The following MAPRE2 variants were observed in gnomAD, a reference collection of about 807,000 sequenced individuals.
MAPRE2 encodes microtubule associated protein RP/EB family member 2, also known as microtubule-associated protein RP/EB family member 2.
A neutral mutation model predicts 43.2 loss-of-function variants in MAPRE2; 13 were observed. The ratio of observed to expected loss-of-function variants is 0.30; its 90% CI spans 0.20 to 0.48. The LOEUF (loss-of-function observed/expected upper bound fraction) is 0.48, where lower values mean the gene tolerates loss of function less well. MAPRE2 is among the 20% of genes least tolerant of loss of function. The probability of loss-of-function intolerance (pLI) is 0.99; values close to 1 mark genes in which losing one functional copy is unlikely to be tolerated. For missense variants in MAPRE2, 161 were observed against 400.2 expected, an observed-to-expected ratio of 0.40 and a Z score of 5.10; for synonymous variants, 135 against 148.8, an observed-to-expected ratio of 0.91 and a Z score of 0.68.
chr18:35,115,737 T>G (rs1043605272), intron 4 of MAPRE2, among the ~76,000 whole-genome samples: 1 of 152,224 alleles, frequency 6.6e-6, no homozygotes, highest in African/African-American at 2.4e-5. Context: ...TTCCGTGATG[T>G]ATATATACCA....
intron 4 of MAPRE2, among the ~76,000 whole-genome samples, chr18:35,125,027 T>C (rs1160556026): frequency 6.6e-6 from 1 of 152,184 alleles, no homozygotes; most frequent in Non-Finnish European, 1.5e-5. Flanking sequence ...CTGAGAATAT[T>C]CAAACTATTT....
At chr18:35,060,957 A>T (rs1335261452) in intron 1 of MAPRE2, among the ~76,000 whole-genome samples, 7 of 152,108 alleles carry the variant, frequency 4.6e-5, no homozygotes, top group Non-Finnish European at 2.9e-5. Flanking sequence ...ATACTTGGTG[A>T]TATGGCAAGA....
intron 2 of MAPRE2, among the ~76,000 whole-genome samples, chr18:35,084,962 G>A (rs1167436756): frequency 6.6e-6 from 1 of 152,106 alleles, no homozygotes; most frequent in East Asian, 1.9e-4. Flanking sequence ...ATAATACTGT[G>A]GTAACTGAAG....
chr18:35,009,910 C>T (rs992527495), intron 2 of MAPRE2, among the ~76,000 whole-genome samples: 3 of 152,086 alleles, frequency 2.0e-5, no homozygotes, highest in Non-Finnish European at 4.4e-5. Flanking sequence ...AGCACCAGAA[C>T]CTTCACTTCT....
At chr18:35,063,165 G>A (rs2957292) in intron 1 of MAPRE2, among the ~76,000 whole-genome samples, 43,647 of 151,666 alleles carry the variant, frequency 0.29, 7,924 homozygotes, top group East Asian at 0.51. Context: ...GTGCAGTGGC[G>A]CGATCTCGGC....
chr18:35,091,167 C>CT (rs1404802637), intron 2 of MAPRE2, among the ~76,000 whole-genome samples: 1 of 152,196 alleles, frequency 6.6e-6, no homozygotes, highest in Non-Finnish European at 1.5e-5. Context: ...AATCATAATG[C>CT]TTCAAGATCT....
chr18:35,115,840 A>T (rs1909386953), intron 4 of MAPRE2, among the ~76,000 whole-genome samples: 1 of 152,184 alleles, frequency 6.6e-6, no homozygotes, highest in Non-Finnish European at 1.5e-5. Context: ...ATGTGTGTGC[A>T]TGTGTCTTTT....
chr18:35,023,599 T>G (rs2097043314), intron 2 of MAPRE2, among the ~76,000 whole-genome samples: 2 of 151,320 alleles, frequency 1.3e-5, no homozygotes, highest in Admixed American at 1.3e-4. Context: ...AGTAGAGAGA[T>G]TCTTGGAAGT....
At chr18:35,054,430 C>T (rs914492965) in intron 1 of MAPRE2, among the ~76,000 whole-genome samples, 4 of 152,162 alleles carry the variant, frequency 2.6e-5, no homozygotes, top group African/African-American at 9.7e-5. Flanking sequence ...CCACTTATTT[C>T]GTTTAACATT....
chr18:34,984,772 A>G (rs1442633793), intron 1 of MAPRE2, among the ~76,000 whole-genome samples: 1 of 124,100 alleles, frequency 8.1e-6, no homozygotes, highest in Non-Finnish European at 1.6e-5. Context: ...TATATATAAT[A>G]ATATATTAAT....
At chr18:35,065,297 C>CAA (rs1198027220) in intron 1 of MAPRE2, among the ~76,000 whole-genome samples, 7 of 84,596 alleles carry the variant, frequency 8.3e-5, no homozygotes, top group Admixed American at 1.3e-4. Flanking sequence ...GACTCTGTCT[C>CAA]AAAAAAAAAA....
intron 2 of MAPRE2, among the ~76,000 whole-genome samples, chr18:35,018,593 A>C (rs2097039970): frequency 6.7e-6 from 1 of 149,272 alleles, no homozygotes; most frequent in African/African-American, 2.5e-5. Flanking sequence ...TTTCCTCTAG[A>C]TTTTCTAGTT....
intron 1 of MAPRE2, among the ~76,000 whole-genome samples, chr18:35,061,275 A>G (rs922764467): frequency 7.2e-5 from 11 of 152,272 alleles, no homozygotes; most frequent in African/African-American, 2.7e-4. Context: ...TCTAAACAGC[A>G]TAGTTTTGAA....
At position 35,139,758 on chromosome 18, in the gene MAPRE2, T is replaced by C. The variant is rs185635571; in HGVS notation, c.910-537T>C. Among the ~76,000 whole-genome samples the C allele has an allele frequency of 2.6e-5, 4 of 152,168 alleles. No individual in the cohort carries two copies. The East Asian group carries it at 7.7e-4, about 29-fold the overall frequency. On this transcript the variant is annotated intron_variant, in intron 6 of 6. Coordinates refer to ENST00000300249, the MANE Select transcript of MAPRE2 (RefSeq NM_014268.4). ...GGTATCTAAGCCTACATCAGGTTAG[T>C]AACATAACAAAGGGTCTCCTTCAGG...
intron 2 of MAPRE2, among the ~76,000 whole-genome samples, chr18:35,006,570 C>T (rs187178997): frequency 1.4e-3 from 214 of 152,232 alleles, no homozygotes; most frequent in Non-Finnish European, 2.5e-3. Context: ...TGAAATTCTT[C>T]CACTTAATAG....
chr18:35,136,272 AG>A (rs1910388784), intron 6 of MAPRE2, among the ~76,000 whole-genome samples: 1 of 152,174 alleles, frequency 6.6e-6, no homozygotes, highest in Admixed American at 6.5e-5. Context: ...TGTCAGCTGA[AG>A]GGCACCAGCT....
chr18:35,140,709 C>A lies in MAPRE2; in HGVS notation c.*340C>A. The A allele has an allele frequency of 3.5e-6, 1 of 281,708 alleles. No homozygotes were observed. Among genetic ancestry groups the A allele is most frequent in the East Asian group, 6.3e-5 (1 of 15,942 alleles). The allele number at this position is 281,708 out of a possible 1,614,324, so 17.5% of individuals were successfully genotyped here. On this transcript the variant is annotated 3_prime_UTR_variant, in exon 7 of 7. Transcript: ENST00000300249. ...CCACTGCCACCACCCCTCTTTTTATCCTGGTGTGAAACAATGGTAATTTGA... is the reference window on the plus strand; with the variant it reads ...CCACTGCCACCACCCCTCTTTTTATACTGGTGTGAAACAATGGTAATTTGA...
rs78492056 is a variant in MAPRE2, at chr18:35,025,623, C to T, written c.-8+20070C>T. Among the ~76,000 whole-genome samples the T allele has an allele frequency of 7.0e-4, 106 of 152,300 alleles. 3 individuals are homozygous for T. In the East Asian group the frequency reaches 0.018, roughly 26 times the overall value. On this transcript the variant is annotated intron_variant, in intron 2 of 7. Coordinates refer to the MAPRE2 transcript ENST00000413393. ...GAGGTAACAACTCGGATACTGTTAA[C>T]ATTTACATCATCAGAATTCATTTCA...
intron 4 of MAPRE2, among the ~76,000 whole-genome samples, chr18:35,121,319 C>T (rs1909656755): frequency 6.6e-6 from 1 of 152,152 alleles, no homozygotes; most frequent in Non-Finnish European, 1.5e-5. Context: ...TTTTTTACAA[C>T]TATGGTTAAA....
Sources: allele counts gnomAD v4.1 joint callset (sites outside exome capture counted in the v4.1 genomes callset), GRCh38; gene constraint gnomAD v4.1.1; transcripts MANE v1.5; gene names NCBI Gene and HGNC (gene_info 2026-07-23, HGNC 2026-07-21).